The following PHF14 variants were observed in gnomAD, a reference collection of about 807,000 sequenced individuals.
PHF14 encodes the protein PHD finger protein 14.
In PHF14, 55 loss-of-function variants were observed where a neutral mutation model predicts 117.9. The ratio of observed to expected loss-of-function variants is 0.47; its 90% CI spans 0.38 to 0.58. The LOEUF is 0.58. PHF14 is among the 20% of genes least tolerant of loss of function. The pLI is 0.00. For missense variants in PHF14, 978 were observed against 1,122.2 expected (o/e 0.87, Z 1.84); for synonymous variants, 409 against 368.6 (o/e 1.11, Z -1.26).
At chr7:11,116,226 C>T (rs181289136) in intron 17 of PHF14, among the ~76,000 whole-genome samples, 36 of 152,006 alleles carry the variant, frequency 2.4e-4, no homozygotes, top group Non-Finnish European at 8.8e-5. Context: ...ACTTTCTTGC[C>T]GAAGGTCTTC....
At chr7:11,034,190 C>T (rs1243095070) in intron 7 of PHF14, among the ~76,000 whole-genome samples, 2 of 151,682 alleles carry the variant, frequency 1.3e-5, no homozygotes, top group Admixed American at 6.6e-5. Flanking sequence ...TGTCTCTCCT[C>T]GGTAGTGTTG....
intron 16 of PHF14, chr7:11,071,323 C>T: frequency 7.8e-6 from 4 of 514,638 alleles, no homozygotes; most frequent in Non-Finnish European, 1.5e-5. Context: ...GTAACATACT[C>T]AGTAGCATCT....
chr7:11,013,779 A>T lies in PHF14; in HGVS notation c.1078A>T (p.Ile360Phe). 1 of 1,601,668 alleles carries T rather than the reference A, an allele frequency of 6.2e-7. No individual in the cohort carries two copies. Among genetic ancestry groups the T allele is most frequent in the South Asian group, 1.1e-5 (1 of 89,296 alleles). The change falls in exon 5 of 18, where the codon ATT becomes TTT. Residue 360 changes from isoleucine (I) to phenylalanine (F), a missense_variant. By Grantham distance (21) the Ile-to-Phe change is conservative. Coordinates refer to ENST00000634607, the MANE Select transcript of PHF14 (RefSeq NM_001007157.2). ...TGGAGTTGATGGAGAGAGTGACTCT[A>T]TTATGAGTTCAGCTTCTGAAAACTC... ...CYGVDGESDS[I>F]MSSASENSTE...
At chr7:11,160,448 G>A (rs1788991016) in intron 17 of PHF14, among the ~76,000 whole-genome samples, 1 of 152,074 alleles carries the variant, frequency 6.6e-6, no homozygotes, top group Non-Finnish European at 1.5e-5. Context: ...TCTAATAGTA[G>A]TTCTGTTCTT....
At chr7:11,019,643 C>G (rs906289570) in intron 5 of PHF14, among the ~76,000 whole-genome samples, 1 of 152,004 alleles carries the variant, frequency 6.6e-6, no homozygotes, top group Non-Finnish European at 1.5e-5. Context: ...TTTCCTCAGC[C>G]TGGCTAAAGG....
chr7:11,039,034 T>C (rs1257694692), intron 11 of PHF14, among the ~76,000 whole-genome samples, 179 bp downstream of exon 11: 1 of 152,194 alleles, frequency 6.6e-6, no homozygotes, highest in African/African-American at 2.4e-5. Flanking sequence ...AGCTGCCTAC[T>C]GAGAACCTCT....
chr7:11,140,714 A>T (rs924306615), intron 17 of PHF14, among the ~76,000 whole-genome samples: 1 of 152,186 alleles, frequency 6.6e-6, no homozygotes, highest in Non-Finnish European at 1.5e-5. Flanking sequence ...AGGATTTTAA[A>T]CATGGTCAAA....
At chr7:11,127,485 C>G (rs1218759791) in intron 17 of PHF14, among the ~76,000 whole-genome samples, 3 of 152,106 alleles carry the variant, frequency 2.0e-5, no homozygotes, top group Non-Finnish European at 4.4e-5. Context: ...CTTGCCTTAA[C>G]AAGCTCAGAA....
intron 10 of PHF14, 40 bp from the exon 11 acceptor site, chr7:11,038,720 G>C (rs1378824033): frequency 5.0e-6 from 4 of 799,702 alleles, no homozygotes; most frequent in South Asian, 3.8e-5. Context: ...TAAATTGTCA[G>C]ATATTTTAAT....
intron 6 of PHF14, among the ~76,000 whole-genome samples, chr7:11,027,654 G>A (rs1181681205): frequency 1.3e-5 from 2 of 152,038 alleles, no homozygotes; most frequent in Non-Finnish European, 2.9e-5. Flanking sequence ...ATAATTGACT[G>A]TGTTGTATAT....
At chr7:11,009,178 A>G (rs922300190) in intron 4 of PHF14, among the ~76,000 whole-genome samples, 40 of 152,162 alleles carry the variant, frequency 2.6e-4, no homozygotes, top group African/African-American at 9.4e-4. Flanking sequence ...TATAATTAGG[A>G]TAGATATTAT....
chr7:11,141,977 G>A (rs1406531179), intron 17 of PHF14, among the ~76,000 whole-genome samples: 2 of 151,824 alleles, frequency 1.3e-5, no homozygotes, highest in Non-Finnish European at 2.9e-5. Flanking sequence ...AATTTCAAAT[G>A]GCCATATTTT....
At position 11,023,653 on chromosome 7, in the gene PHF14, C is replaced by G. The variant is rs553618321; in HGVS notation, c.1317+674C>G. ...ACCAGCCTGGCCAACATGGCGAAAC[C>G]TCGTCTCTACTAAAAATACAACAAA... On this transcript the variant is annotated intron_variant, in intron 6 of 17. Coordinates refer to ENST00000634607, the MANE Select transcript of PHF14 (RefSeq NM_001007157.2). Among the ~76,000 whole-genome samples, 21 of 152,264 alleles carry G rather than the reference C, an allele frequency of 1.4e-4. No individual in the cohort carries two copies. In the East Asian group the frequency reaches 3.7e-3, roughly 27 times the overall value.
At chr7:11,103,196 T>G (rs933065722) in intron 16 of PHF14, 17 of 966,448 alleles carry the variant, frequency 1.8e-5, no homozygotes, top group Non-Finnish European at 2.1e-5. Context: ...AGCATTAATA[T>G]TATTAGCATG....
intron 14 of PHF14, among the ~76,000 whole-genome samples, chr7:11,057,876 T>TA (rs11384468): frequency 0.59 from 88,802 of 151,494 alleles, 27,908 homozygotes; most frequent in East Asian, 0.85. Context: ...ATCAAGTTCT[T>TA]AAAAAAAAGA....
intron 4 of PHF14, among the ~76,000 whole-genome samples, chr7:10,996,002 C>G (rs1782633614): frequency 6.6e-6 from 1 of 152,264 alleles, no homozygotes; most frequent in East Asian, 1.9e-4. Context: ...GAAGGCTCCT[C>G]AAGTGCGGCC....
At chr7:10,997,324 A>G (rs959475156) in intron 4 of PHF14, among the ~76,000 whole-genome samples, 4 of 152,162 alleles carry the variant, frequency 2.6e-5, no homozygotes, top group African/African-American at 9.7e-5. Context: ...AAAAGAAGGG[A>G]AAGTGCAAAA....
chr7:11,001,598 C>G (rs1247194363), intron 4 of PHF14, among the ~76,000 whole-genome samples: 1 of 46,626 alleles, frequency 2.1e-5, no homozygotes, highest in Non-Finnish European at 5.0e-5. Flanking sequence ...TCATAGAGAT[C>G]TTGGCAATAT....
chr7:11,028,811 C>G lies in PHF14; in HGVS notation c.1448C>G (p.Ala483Gly), dbSNP rs375842099. 1.2e-6 allele frequency: 2 copies of G among 1,613,158 alleles called. No homozygotes were observed. Among genetic ancestry groups the G allele is most frequent in the African/African-American group, 1.3e-5 (1 of 74,860 alleles). The change falls in exon 7 of 18, where the codon GCG (alanine) becomes GGG (glycine). Residue 483 changes from alanine to glycine, a missense_variant. This residue lies in a region of PHF14 where 23 missense variants were observed against 66.8 expected (regional missense o/e 0.34). Coordinates refer to ENST00000634607, the MANE Select transcript of PHF14 (RefSeq NM_001007157.2). ...GAAGGTCTGCTTTCAGAGGCAGCGGCGGAAGAGGTAGGTTTATTTAAACCC... is the reference window on the plus strand; with the variant it reads ...GAAGGTCTGCTTTCAGAGGCAGCGGGGGAAGAGGTAGGTTTATTTAAACCC... ...QKEGLLSEAA[A>G]EEDIADPFFA...
Sources: gnomAD v4.1 joint callset for allele counts (sites outside exome capture counted in the v4.1 genomes callset) on GRCh38, gnomAD v4.1.1 for gene constraint, gnomAD v4.1.1 regional missense constraint, MANE v1.5 for transcripts, NCBI Gene and HGNC (gene_info 2026-07-23, HGNC 2026-07-21) for gene names.